SNX29: variants seen among roughly 807,000 people sequenced by gnomAD.
SNX29 encodes the protein sorting nexin 29, also known as sorting nexin-29.
In SNX29, 78 loss-of-function variants were observed where a neutral mutation model predicts 102.1. The observed-to-expected ratio is 0.76, with a 90% confidence interval of 0.64 to 0.92. SNX29 has a LOEUF of 0.92. Among genes scored for constraint, SNX29 ranks in the 40% least tolerant of loss-of-function variants. The pLI is 0.00. For missense variants in SNX29, 1,280 were observed against 1,061.7 expected (o/e 1.21, Z -2.86); for synonymous variants, 580 against 414.5 (o/e 1.40, Z -4.85).
intron 18 of SNX29, among the ~76,000 whole-genome samples, chr16:12,466,532 C>T (rs1021916806): frequency 7.2e-5 from 11 of 152,232 alleles, no homozygotes; most frequent in African/African-American, 2.6e-4. Flanking sequence ...AGATGTGGCA[C>T]CCCCCCTTCC....
intron 10 of SNX29, among the ~76,000 whole-genome samples, chr16:12,073,729 C>A (rs1302770709): frequency 6.6e-6 from 1 of 152,062 alleles, no homozygotes; most frequent in Non-Finnish European, 1.5e-5. Context: ...TCCTTGTTGA[C>A]TTTCTGTCTC....
At chr16:12,563,497 C>G (rs62028255) in intron 20 of SNX29, among the ~76,000 whole-genome samples, 2 of 152,076 alleles carry the variant, frequency 1.3e-5, no homozygotes, top group Non-Finnish European at 2.9e-5. Context: ...GCTATTAAAA[C>G]GGGGAGACTC....
chr16:12,224,110 C>G (rs888521480), intron 14 of SNX29, among the ~76,000 whole-genome samples: 1 of 152,172 alleles, frequency 6.6e-6, no homozygotes, highest in African/African-American at 2.4e-5. Flanking sequence ...CTGGGTGGAA[C>G]TCTTTTTCCT....
chr16:12,472,914 A>G (rs909788185), intron 18 of SNX29, among the ~76,000 whole-genome samples: 8 of 152,182 alleles, frequency 5.3e-5, no homozygotes, highest in African/African-American at 1.9e-4. Context: ...TTACCCTCCT[A>G]TTTAATCTTC....
Position 12,536,585 on chromosome 16 carries a change from A to C in SNX29, c.2318+11744A>C, listed in dbSNP as rs377453632. On this transcript the variant is annotated intron_variant, in intron 20 of 20. Coordinates refer to ENST00000566228, the MANE Select transcript of SNX29 (RefSeq NM_032167.5). ...TCAGAAAGTTGCAGAGTTCACACCT[A>C]GCACAGAGAACGCACTAACTAGTTT... is the stretch of plus-strand genomic sequence containing the variant. Among the ~76,000 whole-genome samples, 6 of 152,292 alleles carry C rather than the reference A, an allele frequency of 3.9e-5. No homozygotes were observed. In the South Asian group the frequency reaches 1.2e-3, roughly 32 times the overall value.
intron 14 of SNX29, 121 bp downstream of exon 14, chr16:12,199,804 T>C: frequency 1.3e-6 from 1 of 793,322 alleles, no homozygotes; most frequent in Non-Finnish European, 2.0e-6. Context: ...AGAATAATGG[T>C]GCTGCTCAGC....
rs143400997 is a variant in SNX29, at chr16:12,142,810, C to T, written c.1595+13052C>T. Reference sequence around the variant, plus strand: ...ACTCCTGACCTCAGGTGACCACTGCCTCGGCCTCCCAAAGTGCTGGGATTA... The same window carrying T: ...ACTCCTGACCTCAGGTGACCACTGCTTCGGCCTCCCAAAGTGCTGGGATTA... On this transcript the variant is annotated intron_variant, in intron 13 of 20. Transcript: ENST00000566228. 1.2e-3 allele frequency among the ~76,000 whole-genome samples: 188 copies of T among 152,030 alleles called. 1 individual carries two copies. The highest frequency in any genetic ancestry group is 4.3e-3 in the African/African-American group (179 of 41,470).
intron 19 of SNX29, among the ~76,000 whole-genome samples, chr16:12,511,662 A>G (rs55919627): frequency 0.017 from 2,574 of 152,298 alleles, 75 homozygotes; most frequent in African/African-American, 0.058. Context: ...CTGTTCTAAC[A>G]TTTAGCAGTT....
chr16:12,043,177 C>G (rs1377489061), intron 5 of SNX29, 100 bp downstream of exon 5: 1 of 1,458,196 alleles, frequency 6.9e-7, no homozygotes. Context: ...GTTCCCCGAT[C>G]TGGGGGAAGT....
At chr16:12,385,264 G>C (rs975151007) in intron 16 of SNX29, among the ~76,000 whole-genome samples, 5 of 152,330 alleles carry the variant, frequency 3.3e-5, no homozygotes, top group Non-Finnish European at 5.9e-5. Flanking sequence ...AGCCTTGTTG[G>C]CTTTGAAAGA....
intron 20 of SNX29, chr16:12,560,874 T>C (rs1236792784): frequency 1.1e-5 from 2 of 187,116 alleles, no homozygotes; most frequent in African/African-American, 4.7e-5. Flanking sequence ...AGTCCTTTAG[T>C]TCAAGATTTG....
chr16:12,300,563 C>T (rs1220620453), intron 15 of SNX29, among the ~76,000 whole-genome samples: 1 of 152,158 alleles, frequency 6.6e-6, no homozygotes, highest in Admixed American at 6.5e-5. Context: ...TCCTATGTAA[C>T]TGCTTTTCCC....
intron 16 of SNX29, among the ~76,000 whole-genome samples, chr16:12,366,198 T>C (rs963623235): frequency 6.6e-6 from 1 of 152,162 alleles, no homozygotes; most frequent in African/African-American, 2.4e-5. Flanking sequence ...TCTTCCTTAC[T>C]GTGGGATTTC....
chr16:12,467,217 A>G (rs1414111345), intron 18 of SNX29, among the ~76,000 whole-genome samples: 1 of 152,188 alleles, frequency 6.6e-6, no homozygotes, highest in Non-Finnish European at 1.5e-5. Flanking sequence ...GAATGGGCCA[A>G]CCATGGTCCA....
chr16:12,100,649 G>C (rs2052973069), intron 11 of SNX29, among the ~76,000 whole-genome samples: 1 of 151,584 alleles, frequency 6.6e-6, no homozygotes, highest in Admixed American at 6.6e-5. Context: ...GAGTGTGCTT[G>C]GCAGAGGGAA....
intron 3 of SNX29, among the ~76,000 whole-genome samples, chr16:12,003,859 T>A (rs1161468652): frequency 6.6e-6 from 1 of 150,720 alleles, no homozygotes; most frequent in Non-Finnish European, 1.5e-5. Context: ...ACACAAAAAT[T>A]AGCTGGGTGT....
chr16:12,536,808 T>A (rs1419110774), intron 20 of SNX29, among the ~76,000 whole-genome samples: 2 of 152,038 alleles, frequency 1.3e-5, no homozygotes, highest in African/African-American at 4.8e-5. Context: ...AAACCCCATC[T>A]CTATTAAAAC....
In SNX29 at chr16:12,394,279, GATCTTCT is replaced by G. The variant is rs148358723; in HGVS notation, c.1900-4166_1900-4160del. ...TCTTGAGTATGAATTTGGGTTACTT[GATCTTCT>G]GGGCATCCCAGAGGCAAGATGCGAA... On this transcript the variant is annotated intron_variant, in intron 16 of 20. Transcript: ENST00000566228. Among the ~76,000 whole-genome samples, 1,426 of 152,312 alleles carry G rather than the reference GATCTTCT, an allele frequency of 9.4e-3. 22 individuals carry two copies. Among genetic ancestry groups the G allele is most frequent in the African/African-American group, 0.032 (1,339 of 41,556 alleles).
At chr16:12,499,416 G>A (rs1234414917) in intron 19 of SNX29, among the ~76,000 whole-genome samples, 2 of 152,224 alleles carry the variant, frequency 1.3e-5, no homozygotes, top group South Asian at 2.1e-4. Flanking sequence ...AGACATAGCT[G>A]CATCTTTTCC....
Sources: gnomAD v4.1 joint callset for allele counts (sites outside exome capture counted in the v4.1 genomes callset) on GRCh38, gnomAD v4.1.1 for gene constraint, MANE v1.5 for transcripts, NCBI Gene and HGNC (gene_info 2026-07-23, HGNC 2026-07-21) for gene names.